SNTG2: variants seen among roughly 807,000 people sequenced by gnomAD.
SNTG2 encodes gamma-2-syntrophin.
Under a neutral mutation model 70.9 loss-of-function variants are expected in SNTG2, and 74 were observed. The observed-to-expected ratio is 1.04, with a 90% confidence interval of 0.86 to 1.27. SNTG2 has a LOEUF of 1.27. SNTG2 is among the 50% of genes most tolerant of loss of function. The pLI, the probability that SNTG2 is intolerant of heterozygous loss-of-function variation, is 0.00. For synonymous variants in SNTG2, 278 were observed against 273.8 expected (o/e 1.02, Z -0.15); for missense variants, 717 against 690.7 (o/e 1.04, Z -0.43).
intron 4 of SNTG2, among the ~76,000 whole-genome samples, chr2:1,118,590 A>G (rs1024298106): frequency 6.6e-6 from 1 of 152,194 alleles, no homozygotes; most frequent in African/African-American, 2.4e-5. Context: ...AGAAATCTCA[A>G]AGCTGAATAA....
At chr2:1,156,937 T>C (rs984506867) in intron 6 of SNTG2, among the ~76,000 whole-genome samples, 3 of 152,064 alleles carry the variant, frequency 2.0e-5, no homozygotes, top group African/African-American at 7.2e-5. Flanking sequence ...GTGAGACCCT[T>C]GGAGGCCAAT....
In SNTG2 at chr2:1,221,839, CTG is replaced by C. The variant is rs1414392487; in HGVS notation, c.719+12611_719+12612del. Reference sequence around the variant, plus strand: ...GGTCTCTGTCTCTCTCTGTCTCTCTCTGTCTCTGTCTCTGTCTCTGTCTCTGT... The same window carrying C: ...GGTCTCTGTCTCTCTCTGTCTCTCTCTCTCTGTCTCTGTCTCTGTCTCTGT... On this transcript the variant is annotated intron_variant, in intron 9 of 16. Transcript: ENST00000308624. 1.5e-3 allele frequency among the ~76,000 whole-genome samples: 37 copies of C among 24,064 alleles called. 5 individuals are homozygous for C. The highest frequency in any genetic ancestry group is 4.5e-3 in the African/African-American group (15 of 3,314). The allele number at this position is 24,064 out of a possible 152,430, so 15.8% of individuals were successfully genotyped here.
chr2:1,194,718 T>G (rs1225416633), intron 8 of SNTG2, among the ~76,000 whole-genome samples: 1 of 152,220 alleles, frequency 6.6e-6, no homozygotes, highest in Non-Finnish European at 1.5e-5. Context: ...TTTTGTCTGC[T>G]GATCAGGCTT....
chr2:1,361,125 T>G (rs4624432), intron 16 of SNTG2, among the ~76,000 whole-genome samples: 1 of 152,062 alleles, frequency 6.6e-6, no homozygotes, highest in South Asian at 2.1e-4. Flanking sequence ...CCTTCTGTGC[T>G]TCAGCCACTG....
chr2:1,194,247 G>C lies in SNTG2; in HGVS notation c.592-14856G>C, dbSNP rs374503946. Among the ~76,000 whole-genome samples the C allele has an allele frequency of 1.4e-4, 21 of 152,286 alleles. No individual in the cohort carries two copies. The East Asian group carries it at 3.9e-3, about 28-fold the overall frequency. On this transcript the variant is annotated intron_variant, in intron 8 of 16. Coordinates refer to ENST00000308624, the MANE Select transcript of SNTG2 (RefSeq NM_018968.4). ...CAAGGGAAGAAGCATGGTCAGGATG[G>C]GGGGAGAAGCGCTGGGGATGCAGTC...
chr2:1,294,433 A>G (rs1404796411), intron 14 of SNTG2, among the ~76,000 whole-genome samples: 1 of 152,256 alleles, frequency 6.6e-6, no homozygotes, highest in Non-Finnish European at 1.5e-5. Context: ...AATTTATAAG[A>G]GAAACTTAGA....
chr2:1,288,918 C>G (rs899531691), intron 14 of SNTG2, among the ~76,000 whole-genome samples: 1 of 152,158 alleles, frequency 6.6e-6, no homozygotes, highest in African/African-American at 2.4e-5. Flanking sequence ...CAGGTCATCC[C>G]CAGCCACACA....
chr2:1,296,357 T>C (rs1190916308), intron 14 of SNTG2, among the ~76,000 whole-genome samples: 2 of 152,262 alleles, frequency 1.3e-5, no homozygotes, highest in African/African-American at 2.4e-5. Flanking sequence ...TTGACTGTTA[T>C]TCCCATTTTT....
intron 1 of SNTG2, among the ~76,000 whole-genome samples, chr2:970,917 A>G (rs1373862109): frequency 6.6e-6 from 1 of 152,228 alleles, no homozygotes; most frequent in African/African-American, 2.4e-5. Flanking sequence ...ATCACTGGCC[A>G]TCAGAGAAAT....
At chr2:1,297,804 A>G (rs1680286463) in intron 14 of SNTG2, among the ~76,000 whole-genome samples, 1 of 152,264 alleles carries the variant, frequency 6.6e-6, no homozygotes, top group African/African-American at 2.4e-5. Context: ...CGTTAGGACC[A>G]TGTGATTTAG....
chr2:993,136 A>G (rs557972308), intron 1 of SNTG2, among the ~76,000 whole-genome samples: 14 of 147,778 alleles, frequency 9.5e-5, no homozygotes, highest in Middle Eastern at 3.5e-3. Flanking sequence ...CAGGTTAGTT[A>G]CATATGTATA....
intron 13 of SNTG2, among the ~76,000 whole-genome samples, chr2:1,263,744 T>G (rs1482570109): frequency 2.0e-5 from 3 of 152,236 alleles, no homozygotes; most frequent in African/African-American, 7.2e-5. Context: ...ATCCGGGATG[T>G]GAGCCCTGCA....
intron 1 of SNTG2, among the ~76,000 whole-genome samples, chr2:990,860 A>C (rs931505393): frequency 6.6e-6 from 1 of 151,836 alleles, no homozygotes; most frequent in African/African-American, 2.4e-5. Context: ...CCCTTTTCTT[A>C]GAAAAAAAAA....
chr2:1,291,125 C>T (rs141342663), intron 14 of SNTG2, among the ~76,000 whole-genome samples: 9 of 152,238 alleles, frequency 5.9e-5, no homozygotes, highest in Admixed American at 2.0e-4. Context: ...CATCTTTCCA[C>T]GTGCTGATGG....
At chr2:1,308,843 T>C (rs921929058) in intron 15 of SNTG2, among the ~76,000 whole-genome samples, 1 of 152,136 alleles carries the variant, frequency 6.6e-6, no homozygotes, top group Non-Finnish European at 1.5e-5. Flanking sequence ...ATGCTGCTGC[T>C]AAGGAGGGAC....
At chr2:1,100,697 T>A (rs927376942) in intron 4 of SNTG2, among the ~76,000 whole-genome samples, 2 of 152,172 alleles carry the variant, frequency 1.3e-5, no homozygotes, top group Non-Finnish European at 2.9e-5. Flanking sequence ...AAAGAAGGCA[T>A]GGCCCAATGC....
chr2:1,037,338 C>T (rs1180338144), intron 1 of SNTG2, among the ~76,000 whole-genome samples: 1 of 152,218 alleles, frequency 6.6e-6, no homozygotes, highest in East Asian at 1.9e-4. Flanking sequence ...ATCCACATCC[C>T]CAGGCTATGC....
At chr2:979,868 A>G (rs888742693) in intron 1 of SNTG2, among the ~76,000 whole-genome samples, 15 of 146,280 alleles carry the variant, frequency 1.0e-4, no homozygotes, top group Non-Finnish European at 2.0e-4. Context: ...GTTATTGCCA[A>G]AGTTTATAGA....
At chr2:1,317,732 TG>T (rs1258521859) in intron 16 of SNTG2, among the ~76,000 whole-genome samples, 1 of 143,828 alleles carries the variant, frequency 7.0e-6, no homozygotes, top group Non-Finnish European at 1.5e-5. Flanking sequence ...TGGAGAAGGT[TG>T]GGATTCTGGA....
Sources: allele counts gnomAD v4.1 joint callset (sites outside exome capture counted in the v4.1 genomes callset), GRCh38; gene constraint gnomAD v4.1.1; transcripts MANE v1.5; gene names NCBI Gene and HGNC (gene_info 2026-07-23, HGNC 2026-07-21).